FGF1: variants seen among roughly 807,000 people sequenced by gnomAD.
FGF1 encodes the protein beta-endothelial cell growth factor.
A neutral mutation model predicts 13.4 loss-of-function variants in FGF1; 9 were observed. The ratio of observed to expected loss-of-function variants is 0.67; its 90% CI spans 0.40 to 1.17. The LOEUF (loss-of-function observed/expected upper bound fraction) is 1.17. FGF1 is among the 50% of genes most tolerant of loss of function. The probability of loss-of-function intolerance (pLI) is 0.01; values close to 1 mark genes in which losing one functional copy is unlikely to be tolerated. For synonymous variants in FGF1, 93 were observed against 79.0 expected (o/e 1.18, Z -0.94); for missense variants, 156 against 192.7 (o/e 0.81, Z 1.13).
intron 1 of FGF1, among the ~76,000 whole-genome samples, chr5:142,684,100 C>T (rs1262474396): frequency 1.3e-5 from 2 of 152,202 alleles, no homozygotes; most frequent in Non-Finnish European, 1.5e-5. Flanking sequence ...GATCCAAGAA[C>T]CCTCTCTTGG....
intron 1 of FGF1, among the ~76,000 whole-genome samples, chr5:142,669,671 G>A (rs775491446): frequency 2.0e-5 from 3 of 152,076 alleles, no homozygotes; most frequent in Non-Finnish European, 2.9e-5. Flanking sequence ...GGCGTGTCGC[G>A]GCTGAGGTGA....
At position 142,598,819 on chromosome 5, in the gene FGF1, G is replaced by C. The variant is rs17223849; in HGVS notation, c.273+1883C>G. Among the ~76,000 whole-genome samples the C allele has an allele frequency of 2.9e-3, 439 of 152,282 alleles. 1 individual carries two copies. Among genetic ancestry groups the C allele is most frequent in the African/African-American group, 0.01 (417 of 41,556 alleles). On this transcript the variant is annotated intron_variant, in intron 3 of 3. Coordinates refer to ENST00000337706, the MANE Select transcript of FGF1 (RefSeq NM_000800.5). ...ATGGCCACGGCTATGGTGGGAGAAG[G>C]GGGTGCCTGGAGCCTATCGGAAATT... is the stretch of plus-strand genomic sequence containing the variant.
intron 1 of FGF1, among the ~76,000 whole-genome samples, chr5:142,658,395 C>T (rs1768557828): frequency 6.6e-6 from 1 of 152,226 alleles, no homozygotes. Context: ...TGCCCCTGAT[C>T]ACATTTCCTG....
At chr5:142,621,632 T>C (rs1306806821) in intron 1 of FGF1, among the ~76,000 whole-genome samples, 2 of 152,148 alleles carry the variant, frequency 1.3e-5, no homozygotes, top group African/African-American at 2.4e-5. Flanking sequence ...CTGGGTGTAA[T>C]TCCCATCTAT....
Position 142,675,693 on chromosome 5 carries a change from C to T in FGF1, c.-35+10264G>A, listed in dbSNP as rs146163854. 1.8e-3 allele frequency among the ~76,000 whole-genome samples: 268 copies of T among 152,282 alleles called. 1 individual carries two copies. The highest frequency in any genetic ancestry group is 6.2e-3 in the African/African-American group (258 of 41,564). Reference sequence around the variant, plus strand: ...ACTAAAATGTAAACAGGACCTGTTCCCCACCCAAGGTCACCCAACAAGGGA... The same window carrying T: ...ACTAAAATGTAAACAGGACCTGTTCTCCACCCAAGGTCACCCAACAAGGGA... On this transcript the variant is annotated intron_variant, in intron 1 of 3. Transcript: ENST00000337706.
At chr5:142,650,829 A>T (rs1325960118) in intron 1 of FGF1, among the ~76,000 whole-genome samples, 1 of 152,208 alleles carries the variant, frequency 6.6e-6, no homozygotes, top group Non-Finnish European at 1.5e-5. Flanking sequence ...TACGAGCAAC[A>T]GTCTTAAGCA....
intron 3 of FGF1, among the ~76,000 whole-genome samples, chr5:142,600,150 C>G (rs895058360): frequency 2.6e-5 from 4 of 152,016 alleles, no homozygotes; most frequent in Non-Finnish European, 5.9e-5. Context: ...CCGCTCGAGC[C>G]CAGGAGTTTG....
At chr5:142,607,271 T>G (rs1434099461) in intron 2 of FGF1, among the ~76,000 whole-genome samples, 1 of 152,150 alleles carries the variant, frequency 6.6e-6, no homozygotes, top group African/African-American at 2.4e-5. Flanking sequence ...AACTTCTCTG[T>G]CCACTCCCTT....
intron 1 of FGF1, among the ~76,000 whole-genome samples, chr5:142,646,698 T>G (rs1766215629): frequency 6.6e-6 from 1 of 152,128 alleles, no homozygotes; most frequent in Non-Finnish European, 1.5e-5. Flanking sequence ...TTCACCATCT[T>G]GGCCTGGCTG....
chr5:142,687,048 A>G (rs1038165742), upstream of FGF1, among the ~76,000 whole-genome samples: 2 of 152,184 alleles, frequency 1.3e-5, no homozygotes, highest in Non-Finnish European at 2.9e-5. Flanking sequence ...TGAAAACATG[A>G]TTAATAGTTT....
chr5:142,695,499 T>C (rs896150864), intron 2 of FGF1, among the ~76,000 whole-genome samples: 5 of 150,414 alleles, frequency 3.3e-5, no homozygotes, highest in Admixed American at 6.6e-5. Flanking sequence ...AAAGAATCGC[T>C]TGAACCTGGG....
intron 1 of FGF1, among the ~76,000 whole-genome samples, chr5:142,628,463 T>A (rs1486713053): frequency 6.6e-6 from 1 of 152,210 alleles, no homozygotes; most frequent in Non-Finnish European, 1.5e-5. Flanking sequence ...TGAGCCGAGA[T>A]CGCACCATTG....
At chr5:142,654,198 T>G (rs1597343088) in intron 1 of FGF1, among the ~76,000 whole-genome samples, 1 of 152,374 alleles carries the variant, frequency 6.6e-6, no homozygotes, top group East Asian at 1.9e-4. Context: ...GTGAATTTCC[T>G]GAGGGCAGCA....
Position 142,592,514 on chromosome 5 carries a change from A to G in FGF1, c.*2776T>C, listed in dbSNP as rs1387037027. The G allele has an allele frequency of 1.3e-5, 5 of 398,264 alleles. No homozygotes were observed. Among genetic ancestry groups the G allele is most frequent in the Admixed American group, 4.4e-5 (1 of 22,716 alleles). The allele number at this position is 398,264 out of a possible 1,614,324, so 24.7% of individuals were successfully genotyped here. ...CAAACGACCAAAAGCACATATGTTC[A>G]TGATGCTTTGTTCAGAGCTGGCCCG... On this transcript the variant is annotated 3_prime_UTR_variant, in exon 4 of 4. Transcript: ENST00000337706.
intron 1 of FGF1, among the ~76,000 whole-genome samples, chr5:142,630,775 TA>T (rs1372962634): frequency 1.3e-5 from 2 of 152,218 alleles, no homozygotes; most frequent in African/African-American, 2.4e-5. Context: ...AGAGGGCAGC[TA>T]AAGTACCACC....
In FGF1 at chr5:142,677,867, T is replaced by A. The variant is rs76338436; in HGVS notation, c.-35+8090A>T. On this transcript the variant is annotated intron_variant, in intron 1 of 3. Coordinates refer to ENST00000337706, the MANE Select transcript of FGF1 (RefSeq NM_000800.5). ...GAGAATGGGTAATAGAAAGTTTTTT[T>A]AAAAATTGACAAGAAAATTACGAAT... Among the ~76,000 whole-genome samples, 1,147 of 152,216 alleles carry A rather than the reference T, an allele frequency of 7.5e-3. 20 individuals are homozygous for A. The highest frequency in any genetic ancestry group is 0.026 in the African/African-American group (1,085 of 41,508).
At chr5:142,599,598 AC>A (rs1328515594) in intron 3 of FGF1, among the ~76,000 whole-genome samples, 1 of 152,216 alleles carries the variant, frequency 6.6e-6, no homozygotes, top group Non-Finnish European at 1.5e-5. Flanking sequence ...AGAGGAGGGA[AC>A]ATTAAAATCT....
chr5:142,636,857 G>A (rs1396920154), intron 1 of FGF1, among the ~76,000 whole-genome samples: 1 of 151,970 alleles, frequency 6.6e-6, no homozygotes, highest in African/African-American at 2.4e-5. Flanking sequence ...AAGCTGGCAG[G>A]GCCAGGCTAC....
chr5:142,667,459 G>A (rs190863518), intron 1 of FGF1, among the ~76,000 whole-genome samples: 2,365 of 151,698 alleles, frequency 0.016, 76 homozygotes, highest in African/African-American at 0.052. Flanking sequence ...GGTGGCGGGC[G>A]CCTGTAGTCC....
Sources: allele counts gnomAD v4.1 joint callset (sites outside exome capture counted in the v4.1 genomes callset), GRCh38; gene constraint gnomAD v4.1.1; transcripts MANE v1.5; gene names NCBI Gene and HGNC (gene_info 2026-07-23, HGNC 2026-07-21).